The following CCDC152 variants were observed in gnomAD, a reference collection of about 807,000 sequenced individuals.
CCDC152 encodes coiled-coil domain containing 152, also known as coiled-coil domain-containing protein 152.
Under a neutral mutation model 38.1 loss-of-function variants are expected in CCDC152, and 37 were observed. The observed-to-expected ratio is 0.97, with a 90% confidence interval of 0.75 to 1.28. The LOEUF (loss-of-function observed/expected upper bound fraction) is 1.28, where lower values mean the gene tolerates loss of function less well. CCDC152 is among the 50% of genes most tolerant of loss of function. The pLI, the probability that CCDC152 is intolerant of heterozygous loss-of-function variation, is 0.00. For missense variants in CCDC152, 259 were observed against 292.1 expected, an observed-to-expected ratio of 0.89 and a Z score of 0.83; for synonymous variants, 83 against 87.1, an observed-to-expected ratio of 0.95 and a Z score of 0.26.
At position 42,796,970 on chromosome 5, in the gene CCDC152, A is replaced by T; in HGVS notation, c.558+14A>T. ...CTACAACTAGAAGTAAGTGTTTAAG[A>T]GTCTGCTAAACTTGAGGACACATCC... is the stretch of plus-strand genomic sequence containing the variant. On this transcript the variant is annotated intron_variant, in intron 7 of 8. Coordinates refer to ENST00000361970, the MANE Select transcript of CCDC152 (RefSeq NM_001134848.2). 1 of 1,495,032 alleles carries T rather than the reference A, an allele frequency of 6.7e-7. No individual in the cohort carries two copies. The highest frequency in any genetic ancestry group is 1.3e-5 in the South Asian group (1 of 76,520). 92.6% of individuals were successfully genotyped at this position (1,495,032 alleles called of 1,614,324 possible). A position where few individuals can be genotyped will look rare whatever the true frequency, so the allele number is the denominator to read the frequency against.
chr5:42,796,907 G>A lies in CCDC152; in HGVS notation c.509G>A (p.Arg170Lys). 1 of 1,530,900 alleles carries A rather than the reference G, an allele frequency of 6.5e-7. No homozygotes were observed. The highest frequency in any genetic ancestry group is 8.8e-7 in the Non-Finnish European group (1 of 1,141,100). 94.8% of individuals were successfully genotyped at this position (1,530,900 alleles called of 1,614,324 possible). ...ATTTCAGAGTTAAATGCAAAGCTAA[G>A]AAGTCAAGAAAAAGAAAAACAAAAT... ...MEISELNAKL[R>K]SQEKEKQNEI... is the part of the protein sequence containing the mutation. Residue 170 changes from arginine to lysine, a missense_variant, in exon 7 of 9, where the codon AGA becomes AAA. Coordinates refer to ENST00000361970, the MANE Select transcript of CCDC152 (RefSeq NM_001134848.2).
Position 42,759,113 on chromosome 5 carries a change from C to G in CCDC152, c.-2-7C>G. 1 of 1,540,064 alleles carries G rather than the reference C, an allele frequency of 6.5e-7. No individual in the cohort carries two copies. The highest frequency in any genetic ancestry group is 8.8e-7 in the Non-Finnish European group (1 of 1,137,870). ...ATTTAACACTATCTACTGTTTACTACTTTCAGGCATGGACCAAAGCAGTGA... is the reference window on the plus strand; with the variant it reads ...ATTTAACACTATCTACTGTTTACTAGTTTCAGGCATGGACCAAAGCAGTGA... On this transcript the variant is annotated splice_polypyrimidine_tract_variant and splice_region_variant and intron_variant, in intron 1 of 8. Transcript: ENST00000361970.
At position 42,801,220 on chromosome 5, in the gene CCDC152, G is replaced by A. The variant is rs1412755586; in HGVS notation, c.*1439G>A. 1.2e-6 allele frequency: 2 copies of A among 1,614,128 alleles called. No individual in the cohort carries two copies. Among genetic ancestry groups the A allele is most frequent in the Non-Finnish European group, 1.7e-6 (2 of 1,180,016 alleles). ...GAAAGCTCACTGCTGCCAAGGTGCT[G>A]ATGTCCATGATTGTGATGATGCTCA... On this transcript the variant is annotated 3_prime_UTR_variant, in exon 9 of 9. Coordinates refer to ENST00000361970, the MANE Select transcript of CCDC152 (RefSeq NM_001134848.2).
intron 2 of CCDC152, among the ~76,000 whole-genome samples, chr5:42,760,856 G>T (rs996295960): frequency 6.6e-6 from 1 of 152,140 alleles, no homozygotes; most frequent in Non-Finnish European, 1.5e-5. Context: ...AGCATTTTTG[G>T]TGGGAAAGGA....
chr5:42,796,423 A>G (rs1435750548), intron 6 of CCDC152, among the ~76,000 whole-genome samples: 1 of 152,274 alleles, frequency 6.6e-6, no homozygotes, highest in East Asian at 1.9e-4. Flanking sequence ...GCATAAAGAT[A>G]TGATGTGAAC....
rs1169239893 is a variant in CCDC152 at position 42,800,931 on chromosome 5, G to A, written c.*1150G>A. On this transcript the variant is annotated 3_prime_UTR_variant, in exon 9 of 9. Transcript: ENST00000361970. ...ACACTGTCAGGTGATTGCAGACCCT[G>A]TTTTTTCAAATATCAGATGTCGACA... 6.2e-7 allele frequency: 1 copy of A among 1,614,190 alleles called. No individual in the cohort carries two copies. Among genetic ancestry groups the A allele is most frequent in the Non-Finnish European group, 8.5e-7 (1 of 1,180,026 alleles).
Position 42,800,466 on chromosome 5 carries a change from A to ATTTG in CCDC152, c.*685_*686insTTTG. On this transcript the variant is annotated 3_prime_UTR_variant, in exon 9 of 9. Coordinates refer to ENST00000361970, the MANE Select transcript of CCDC152 (RefSeq NM_001134848.2). ...CTATTCTCATTAAAGCAAATAGAAC[A>ATTTG]CTGGAAAAAGAAAAAAAAAGACATA... 3 of 392,194 alleles carry ATTTG rather than the reference A, an allele frequency of 7.6e-6. No homozygotes were observed. Among genetic ancestry groups the ATTTG allele is most frequent in the Non-Finnish European group, 1.4e-5 (3 of 222,100 alleles). The allele number at this position is 392,194 out of a possible 1,614,324, so 24.3% of individuals were successfully genotyped here.
At chr5:42,756,972 T>A (rs1020774774) in intron 1 of CCDC152, 87 bp downstream of exon 1, 2 of 152,782 alleles carry the variant, frequency 1.3e-5, no homozygotes, top group Non-Finnish European at 2.9e-5. Flanking sequence ...GTGCTCTGGG[T>A]CCATTACAGG....
chr5:42,775,868 C>T (rs564843674), intron 4 of CCDC152, among the ~76,000 whole-genome samples: 4 of 149,420 alleles, frequency 2.7e-5, no homozygotes, highest in Admixed American at 2.7e-4. Flanking sequence ...TGAAAGTGGA[C>T]CTGAATTCAT....
chr5:42,769,693 A>G, intron 4 of CCDC152, 28 bp downstream of exon 4: 1 of 1,467,504 alleles, frequency 6.8e-7, no homozygotes, highest in South Asian at 1.4e-5. Flanking sequence ...GTAAAATCTA[A>G]AAAAGCATTG....
At chr5:42,785,945 G>A (rs367733367) in intron 6 of CCDC152, among the ~76,000 whole-genome samples, 4 of 151,916 alleles carry the variant, frequency 2.6e-5, no homozygotes, top group Admixed American at 6.5e-5. Flanking sequence ...TGCATATATC[G>A]AACCATCCTT....
At chr5:42,762,792 A>G (rs1023939850) in intron 3 of CCDC152, among the ~76,000 whole-genome samples, 6 of 152,328 alleles carry the variant, frequency 3.9e-5, no homozygotes, top group Admixed American at 6.5e-5. Context: ...AGACTGCTCA[A>G]CTTTCTGAGG....
At chr5:42,794,337 T>C (rs1760045558) in intron 6 of CCDC152, among the ~76,000 whole-genome samples, 1 of 152,212 alleles carries the variant, frequency 6.6e-6, no homozygotes, top group African/African-American at 2.4e-5. Flanking sequence ...GAAAAGATGG[T>C]GCCCTACGCC....
chr5:42,762,667 A>T, intron 3 of CCDC152, 119 bp downstream of exon 3: 2 of 654,500 alleles, frequency 3.1e-6, no homozygotes, highest in South Asian at 3.4e-5. Flanking sequence ...AATTTTCCAG[A>T]TTATCATCTC....
intron 4 of CCDC152, among the ~76,000 whole-genome samples, chr5:42,778,983 C>T (rs1157300015): frequency 6.6e-6 from 1 of 152,172 alleles, no homozygotes; most frequent in Non-Finnish European, 1.5e-5. Context: ...CTTTACACTT[C>T]AACAATACCG....
At chr5:42,792,324 A>T (rs1203174309) in intron 6 of CCDC152, among the ~76,000 whole-genome samples, 2 of 152,206 alleles carry the variant, frequency 1.3e-5, no homozygotes, top group Non-Finnish European at 2.9e-5. Flanking sequence ...TTTGTAAGCT[A>T]CCAAAGAGAT....
At chr5:42,773,171 A>G (rs1759724239) in intron 4 of CCDC152, among the ~76,000 whole-genome samples, 1 of 152,212 alleles carries the variant, frequency 6.6e-6, no homozygotes, top group Non-Finnish European at 1.5e-5. Flanking sequence ...TGGTAACATT[A>G]TTGAGCTGAT....
rs28919928 is a variant in CCDC152, at chr5:42,799,875, C to T, written c.*94C>T. ...ATATGCATACAGCCTACATAACAAA[C>T]GAAGTCAGCTTTAAGGTTTTTATTG... On this transcript the variant is annotated 3_prime_UTR_variant, in exon 9 of 9. Coordinates refer to ENST00000361970, the MANE Select transcript of CCDC152 (RefSeq NM_001134848.2). The T allele has an allele frequency of 7.5e-6, 10 of 1,328,892 alleles. No individual in the cohort carries two copies. In the East Asian group the frequency reaches 1.3e-4, roughly 17 times the overall value. 82.3% of individuals were successfully genotyped at this position (1,328,892 alleles called of 1,614,324 possible).
intron 6 of CCDC152, among the ~76,000 whole-genome samples, chr5:42,785,003 A>G (rs140953926): frequency 2.0e-4 from 30 of 152,126 alleles, no homozygotes; most frequent in Admixed American, 4.6e-4. Context: ...TTTGGCTATT[A>G]TAGCCTTGTA....
Sources: gnomAD v4.1 joint callset for allele counts (sites outside exome capture counted in the v4.1 genomes callset) on GRCh38, gnomAD v4.1.1 for gene constraint, MANE v1.5 for transcripts, NCBI Gene and HGNC (gene_info 2026-07-23, HGNC 2026-07-21) for gene names.